Variants in ARMH3 observed in about 807,000 individuals in gnomAD.
ARMH3 encodes armadillo-like helical domain-containing protein 3.
A neutral mutation model predicts 99.1 loss-of-function variants in ARMH3; 60 were observed. The observed-to-expected ratio is 0.61, with a 90% confidence interval of 0.49 to 0.75. The LOEUF (loss-of-function observed/expected upper bound fraction) is 0.75. ARMH3 is among the 30% of genes least tolerant of loss of function. ARMH3 has a pLI of 0.00. For synonymous variants in ARMH3, 285 were observed against 292.8 expected (o/e 0.97, Z 0.27); for missense variants, 679 against 843.1 (o/e 0.81, Z 2.41).
chr10:101,847,245 T>G lies in ARMH3; in HGVS notation c.*283A>C, dbSNP rs2066483826. ...TAGCTACAGCTTGTAACCTCAAGAT[T>G]GGAAATGTGAGGGGCTGTTTAGGGA... On this transcript the variant is annotated 3_prime_UTR_variant, in exon 26 of 26. Transcript: ENST00000370033. 1 of 364,536 alleles carries G rather than the reference T, an allele frequency of 2.7e-6. No homozygotes were observed. The highest frequency in any genetic ancestry group is 5.1e-6 in the Non-Finnish European group (1 of 194,582). 22.6% of individuals were successfully genotyped at this position (364,536 alleles called of 1,614,324 possible). A position where few individuals can be genotyped will look rare whatever the true frequency, so the allele number is the denominator to read the frequency against.
At chr10:102,032,137 C>A (rs983895850) in intron 4 of ARMH3, among the ~76,000 whole-genome samples, 4 of 152,152 alleles carry the variant, frequency 2.6e-5, no homozygotes, top group African/African-American at 9.7e-5. Flanking sequence ...ACTTTGTCAC[C>A]ATTCATTCAA....
chr10:102,053,904 G>A (rs1339646108), intron 1 of ARMH3, among the ~76,000 whole-genome samples: 3 of 151,628 alleles, frequency 2.0e-5, no homozygotes, highest in Middle Eastern at 3.2e-3. Context: ...GTGATCCGCC[G>A]GCCTCCGCCT....
At position 101,983,253 on chromosome 10, in the gene ARMH3, T is replaced by C. The variant is rs184127957; in HGVS notation, c.1406+7298A>G. 2.5e-4 allele frequency among the ~76,000 whole-genome samples: 38 copies of C among 152,276 alleles called. No individual in the cohort carries two copies. In the East Asian group the frequency reaches 4.8e-3, roughly 19 times the overall value. On this transcript the variant is annotated intron_variant, in intron 19 of 25. Coordinates refer to ENST00000370033, the MANE Select transcript of ARMH3 (RefSeq NM_024541.3). ...GAGAGAAGAGGGGCTGAAGGTTAAG[T>C]TGATTACCAATGGCCAGTGGTTTTT...
In ARMH3 at chr10:101,907,989, A is replaced by G. The variant is rs536179227; in HGVS notation, c.1782-18499T>C. ...TTACAGTGTAAGGAATTTTTAGCCA[A>G]CCCATCATATCTGATCTTCCTCTAG... On this transcript the variant is annotated intron_variant, in intron 23 of 25. Transcript: ENST00000370033. 1.2e-3 allele frequency among the ~76,000 whole-genome samples: 176 copies of G among 152,280 alleles called. 1 individual carries two copies. The highest frequency in any genetic ancestry group is 3.9e-3 in the African/African-American group (163 of 41,560).
chr10:101,993,443 C>T, intron 17 of ARMH3, 95 bp downstream of exon 17: 1 of 893,392 alleles, frequency 1.1e-6, no homozygotes, highest in South Asian at 1.8e-5. Flanking sequence ...AACTTTCCAC[C>T]CACATTTGTT....
intron 5 of ARMH3, 176 bp downstream of exon 5, chr10:102,029,462 T>C: frequency 1.9e-6 from 3 of 1,547,814 alleles, no homozygotes; most frequent in Non-Finnish European, 2.6e-6. Flanking sequence ...AATTTAAAAT[T>C]TTCCTTTATT....
Position 101,913,514 on chromosome 10 carries a change from C to T in ARMH3, c.1782-24024G>A, listed in dbSNP as rs904073506. Among the ~76,000 whole-genome samples the T allele has an allele frequency of 6.6e-5, 10 of 151,720 alleles. No individual in the cohort carries two copies. In the East Asian group the frequency reaches 7.8e-4, roughly 12 times the overall value. On this transcript the variant is annotated intron_variant, in intron 23 of 25. Coordinates refer to ENST00000370033, the MANE Select transcript of ARMH3 (RefSeq NM_024541.3). ...CCAAGTAACTGGGACTACAGGTGCACGTCACATACCCAGCTACTTTTTTAA... is the reference window on the plus strand; with the variant it reads ...CCAAGTAACTGGGACTACAGGTGCATGTCACATACCCAGCTACTTTTTTAA...
chr10:101,850,444 A>G (rs549153063), intron 24 of ARMH3, among the ~76,000 whole-genome samples: 1 of 141,582 alleles, frequency 7.1e-6, no homozygotes, highest in African/African-American at 2.7e-5. Context: ...TTCCTTTTTG[A>G]GACAGAGTCT....
chr10:102,036,013 G>A (rs2067248959), intron 2 of ARMH3, among the ~76,000 whole-genome samples: 1 of 151,788 alleles, frequency 6.6e-6, no homozygotes, highest in Non-Finnish European at 1.5e-5. Context: ...CCTCTGCCCG[G>A]CCGCGACCCC....
chr10:102,012,772 A>G, intron 10 of ARMH3, 61 bp downstream of exon 10: 1 of 1,501,398 alleles, frequency 6.7e-7, no homozygotes, highest in Middle Eastern at 1.8e-4. Context: ...CTCTAACAAA[A>G]CTCTAACAAC....
intron 20 of ARMH3, among the ~76,000 whole-genome samples, chr10:101,963,292 G>A (rs1449623307): frequency 6.6e-6 from 1 of 151,976 alleles, no homozygotes; most frequent in Non-Finnish European, 1.5e-5. Flanking sequence ...ACAGGCACCT[G>A]CCACCACACC....
intron 24 of ARMH3, among the ~76,000 whole-genome samples, chr10:101,876,704 A>AACATCTT: frequency 6.6e-6 from 1 of 152,336 alleles, no homozygotes; most frequent in Admixed American, 6.5e-5. Flanking sequence ...TTCTTCCAAG[A>AACATCTT]ACATCTTAAA....
intron 15 of ARMH3, among the ~76,000 whole-genome samples, chr10:101,995,896 TC>T (rs1847032394): frequency 6.6e-6 from 1 of 152,242 alleles, no homozygotes; most frequent in African/African-American, 2.4e-5. Flanking sequence ...TGATCATTTT[TC>T]TTCCTGTCAA....
chr10:101,957,825 A>G (rs768374023), intron 20 of ARMH3, 93 bp from the exon 21 acceptor site: 1 of 1,465,220 alleles, frequency 6.8e-7, no homozygotes. Flanking sequence ...AAAATCCAGA[A>G]GGTTAGAGTG....
At chr10:102,038,868 T>C (rs1564876200) in intron 2 of ARMH3, among the ~76,000 whole-genome samples, 1 of 151,964 alleles carries the variant, frequency 6.6e-6, no homozygotes, top group African/African-American at 2.4e-5. Flanking sequence ...GCCTCCCAAG[T>C]AGCTGGGACT....
chr10:101,854,099 C>T (rs1427341658), intron 24 of ARMH3, among the ~76,000 whole-genome samples: 3 of 151,920 alleles, frequency 2.0e-5, no homozygotes, highest in Admixed American at 6.6e-5. Context: ...GGCAACAGAG[C>T]GAGACTCCGT....
At chr10:102,029,347 T>TA in intron 5 of ARMH3, 1 of 1,109,056 alleles carries the variant, frequency 9.0e-7, no homozygotes, top group South Asian at 1.7e-5. Context: ...ATATTTTATT[T>TA]AAATTCATAA....
At chr10:101,964,522 T>C (rs1366725250) in intron 20 of ARMH3, among the ~76,000 whole-genome samples, 1 of 152,136 alleles carries the variant, frequency 6.6e-6, no homozygotes, top group Admixed American at 6.5e-5. Context: ...ATATGGTATA[T>C]ACATATGGCA....
At chr10:102,020,678 T>C (rs372439150) in intron 8 of ARMH3, among the ~76,000 whole-genome samples, 1 of 132,728 alleles carries the variant, frequency 7.5e-6, no homozygotes. Context: ...AGAGACTCCA[T>C]CTCAGAAAAA....
Sources: allele counts gnomAD v4.1 joint callset (sites outside exome capture counted in the v4.1 genomes callset), GRCh38; gene constraint gnomAD v4.1.1; transcripts MANE v1.5; gene names NCBI Gene and HGNC (gene_info 2026-07-23, HGNC 2026-07-21).